SUPT5H: variants seen among roughly 807,000 people sequenced by gnomAD.
SUPT5H encodes the protein transcription elongation factor SPT5.
SUPT5H carries 24 observed loss-of-function variants against 142.5 expected under a neutral mutation model. The observed-to-expected ratio is 0.17, with a 90% CI of 0.12 to 0.24. SUPT5H has a LOEUF of 0.24. SUPT5H is among the 10% of genes least tolerant of loss of function. SUPT5H has a pLI of 1.00. For synonymous variants in SUPT5H, 546 were observed against 553.0 expected (o/e 0.99, Z 0.18); for missense variants, 893 against 1,471.8 (o/e 0.61, Z 6.43).
Position 39,458,969 on chromosome 19 carries a change from C to T in SUPT5H, c.390-36C>T. The T allele has an allele frequency of 6.2e-7, 1 of 1,614,080 alleles. No individual in the cohort carries two copies. The highest frequency in any genetic ancestry group is 8.5e-7 in the Non-Finnish European group (1 of 1,179,988). ...GGTCAGCCCACCTGCTGTCCTCAAC[C>T]TTCAATTCGTGTTTGCTTCCCCACT... On this transcript the variant is annotated intron_variant, in intron 6 of 29. Transcript: ENST00000432763. This position sits in a 1 kb window ranked among gnomAD's most constrained non-coding sequence, Gnocchi z 4.2.
Position 39,473,459 on chromosome 19 carries a change from T to C in SUPT5H, c.2430T>C (p.Asp810=). The C allele has an allele frequency of 6.2e-7, 1 of 1,613,198 alleles. No individual in the cohort carries two copies. The highest frequency in any genetic ancestry group is 8.5e-7 in the Non-Finnish European group (1 of 1,179,916). The change falls in exon 25 of 30, where the codon GAT becomes GAC. Residue 810 remains aspartate (D), a synonymous_variant. Transcript: ENST00000432763. This position sits in a 1 kb window ranked among gnomAD's most constrained non-coding sequence, Gnocchi z 5.8. The part of the protein sequence containing the change: ...PHYGSQTPLH[D]GSRTPAQSGA... The stretch of plus-strand genomic sequence containing the variant: ...ACGGCTCACAGACGCCCCTGCATGA[T>C]GGCAGCCGCACTCCTGCCCAGAGTG...
At chr19:39,449,324 C>CA (rs1442338583) in intron 2 of SUPT5H, among the ~76,000 whole-genome samples, 1 of 152,046 alleles carries the variant, frequency 6.6e-6, no homozygotes, top group Non-Finnish European at 1.5e-5. Flanking sequence ...TGGGACCTGT[C>CA]AGAGGGGAAC....
chr19:39,469,210 G>C lies in SUPT5H; in HGVS notation c.1237+38G>C. ...CCTCTATAACCTGGGCCAAGGAGCA[G>C]GGGCGGCCCATGGTGGCAACCCCCG... is the stretch of plus-strand genomic sequence containing the variant. On this transcript the variant is annotated intron_variant, in intron 15 of 29. Coordinates refer to ENST00000432763, the MANE Select transcript of SUPT5H (RefSeq NM_001111020.3). The surrounding 1 kb of genome is among the most constrained non-coding windows in gnomAD (Gnocchi z 5.1). 6.2e-7 allele frequency: 1 copy of C among 1,614,220 alleles called. No individual in the cohort carries two copies. The highest frequency in any genetic ancestry group is 8.5e-7 in the Non-Finnish European group (1 of 1,180,024).
rs769600380 is a variant in SUPT5H, at chr19:39,466,049, T to C, written c.877-431T>C. Among the ~76,000 whole-genome samples the C allele has an allele frequency of 2.0e-5, 3 of 152,170 alleles. No homozygotes were observed. Among genetic ancestry groups the C allele is most frequent in the Non-Finnish European group, 2.9e-5 (2 of 68,034 alleles). On this transcript the variant is annotated intron_variant, in intron 11 of 29. Transcript: ENST00000432763. This position sits in a 1 kb window ranked among gnomAD's most constrained non-coding sequence, Gnocchi z 4.3. Reference sequence around the variant, plus strand: ...TTTTGGGTTTTTGGATTTGGAATGCTGAGACTGCAGTGGAGGAGGGGAAGA... The same window carrying C: ...TTTTGGGTTTTTGGATTTGGAATGCCGAGACTGCAGTGGAGGAGGGGAAGA...
intron 2 of SUPT5H, among the ~76,000 whole-genome samples, chr19:39,448,563 C>G (rs2078981338): frequency 6.6e-6 from 1 of 151,930 alleles, no homozygotes; most frequent in South Asian, 2.1e-4. Context: ...TACTTGACCC[C>G]CCACCCCCGC....
rs1414441664 is a variant in SUPT5H, at chr19:39,474,500, C to T, written c.2821-15C>T. ...AGATGACTATTCCCAATGACACTTCCTCTTTCCCCTGCAGGCTAGCCCCAG... is the reference window on the plus strand; with the variant it reads ...AGATGACTATTCCCAATGACACTTCTTCTTTCCCCTGCAGGCTAGCCCCAG... On this transcript the variant is annotated splice_polypyrimidine_tract_variant and intron_variant, in intron 27 of 29. Coordinates refer to ENST00000432763, the MANE Select transcript of SUPT5H (RefSeq NM_001111020.3). This position sits in a 1 kb window ranked among gnomAD's most constrained non-coding sequence, Gnocchi z 6.5. The T allele has an allele frequency of 1.2e-6, 2 of 1,613,812 alleles. No homozygotes were observed. Among genetic ancestry groups the T allele is most frequent in the Non-Finnish European group, 1.7e-6 (2 of 1,179,786 alleles).
intron 28 of SUPT5H, chr19:39,475,371 T>A (rs1487282983): frequency 6.4e-5 from 9 of 140,382 alleles, no homozygotes; most frequent in African/African-American, 2.5e-4. Context: ...CGCCCCAGTC[T>A]GGGTGACAGA....
At chr19:39,448,686 C>T (rs973200428) in intron 2 of SUPT5H, among the ~76,000 whole-genome samples, 2 of 152,096 alleles carry the variant, frequency 1.3e-5, no homozygotes, top group Admixed American at 6.5e-5. Context: ...TGACATGGTC[C>T]TTGAAGGACA....
chr19:39,457,590 C>T (rs1204582254), intron 3 of SUPT5H, 85 bp from the exon 4 acceptor site: 10 of 1,563,206 alleles, frequency 6.4e-6, no homozygotes, highest in African/African-American at 1.3e-5. Context: ...ATTTGTAGTG[C>T]ACATCTCCCA....
chr19:39,465,548 T>C (rs1466807560), intron 11 of SUPT5H, among the ~76,000 whole-genome samples: 1 of 152,202 alleles, frequency 6.6e-6, no homozygotes. Context: ...AGGGGACATT[T>C]GGTAACGTCT....
At chr19:39,453,883 C>T (rs904627438) in intron 3 of SUPT5H, among the ~76,000 whole-genome samples, 11 of 152,316 alleles carry the variant, frequency 7.2e-5, no homozygotes, top group African/African-American at 2.6e-4. Context: ...CGTGCTACGG[C>T]CCCTTCTGTA....
At chr19:39,460,013 G>T in intron 10 of SUPT5H, 53 bp downstream of exon 10, 2 of 1,586,722 alleles carry the variant, frequency 1.3e-6, no homozygotes, top group Non-Finnish European at 1.7e-6. Context: ...CACCCAGAGG[G>T]AAGAACATTG....
In SUPT5H at chr19:39,476,504, C is replaced by G; in HGVS notation, c.*105C>G. 2.8e-6 allele frequency: 4 copies of G among 1,415,654 alleles called. No homozygotes were observed. Among genetic ancestry groups the G allele is most frequent in the East Asian group, 2.3e-5 (1 of 43,256 alleles). The allele number at this position is 1,415,654 out of a possible 1,614,324, so 87.7% of individuals were successfully genotyped here. A position where few individuals can be genotyped will look rare whatever the true frequency, so the allele number is the denominator to read the frequency against. ...CTCCTGCAGGGCTAGGCGGATTGTT[C>G]TGGATTTCCTTTTGTTTTTCCTTTT... is the stretch of plus-strand genomic sequence containing the variant. On this transcript the variant is annotated 3_prime_UTR_variant, in exon 30 of 30. Transcript: ENST00000432763.
chr19:39,460,713 A>C (rs949159855), intron 10 of SUPT5H, among the ~76,000 whole-genome samples: 5 of 151,718 alleles, frequency 3.3e-5, no homozygotes, highest in Non-Finnish European at 2.9e-5. Context: ...CCAGTGTGAC[A>C]AAAAAAAGGA....
intron 10 of SUPT5H, among the ~76,000 whole-genome samples, chr19:39,462,427 T>C (rs2079174712): frequency 6.6e-6 from 1 of 152,148 alleles, no homozygotes; most frequent in Non-Finnish European, 1.5e-5. Context: ...CTCTGAATGG[T>C]TCATACAAAG....
intron 3 of SUPT5H, among the ~76,000 whole-genome samples, chr19:39,456,983 C>A (rs2079099044): frequency 6.6e-6 from 1 of 152,238 alleles, no homozygotes; most frequent in Non-Finnish European, 1.5e-5. Flanking sequence ...TTGATACTTA[C>A]ATCCTCTATG....
chr19:39,448,572 G>A (rs115322082), intron 2 of SUPT5H, among the ~76,000 whole-genome samples: 2,704 of 151,100 alleles, frequency 0.018, 74 homozygotes, highest in African/African-American at 0.063. Context: ...CCCCACCCCC[G>A]CCGCTGGCTC....
chr19:39,474,166 T>C lies in SUPT5H; in HGVS notation c.2651+45T>C, dbSNP rs1202404338. ...CCCTCGTCTACCCCTGCCCAAACCC[T>C]CCTACTGCCACCACCTCTTTTCCCC... is the stretch of plus-strand genomic sequence containing the variant. On this transcript the variant is annotated intron_variant, in intron 26 of 29. Coordinates refer to ENST00000432763, the MANE Select transcript of SUPT5H (RefSeq NM_001111020.3). This position sits in a 1 kb window ranked among gnomAD's most constrained non-coding sequence, Gnocchi z 6.5. 1 of 1,610,122 alleles carries C rather than the reference T, an allele frequency of 6.2e-7. No individual in the cohort carries two copies. The highest frequency in any genetic ancestry group is 1.7e-4 in the Middle Eastern group (1 of 6,032).
chr19:39,458,768 CCCTGCCCTCCA>C lies in SUPT5H; in HGVS notation c.320-41_320-31del. 6.5e-7 allele frequency: 1 copy of C among 1,548,576 alleles called. No homozygotes were observed. The highest frequency in any genetic ancestry group is 8.8e-7 in the Non-Finnish European group (1 of 1,136,916). On this transcript the variant is annotated intron_variant, in intron 5 of 29. Transcript: ENST00000432763. The surrounding 1 kb of genome is among the most constrained non-coding windows in gnomAD (Gnocchi z 4.2). Reference sequence around the variant, plus strand: ...CTGCACGCTCCTATTTTCTCCAGGCCCCTGCCCTCCACCTGCCCTTGCTCACGCCCTCTGCC... The same window carrying C: ...CTGCACGCTCCTATTTTCTCCAGGCCCCTGCCCTTGCTCACGCCCTCTGCC...
Sources: allele counts gnomAD v4.1 joint callset (sites outside exome capture counted in the v4.1 genomes callset), GRCh38; gene constraint gnomAD v4.1.1; non-coding constraint Gnocchi (gnomAD v3.1); transcripts MANE v1.5; gene names NCBI Gene and HGNC (gene_info 2026-07-23, HGNC 2026-07-21).